GUCY2F: variants seen among roughly 807,000 people sequenced by gnomAD.
GUCY2F encodes guanylate cyclase 2F, retinal, also known as retinal guanylyl cyclase 2.
GUCY2F carries 61 observed loss-of-function variants against 73.1 expected under a neutral mutation model. That is an observed-to-expected ratio of 0.83 (90% CI 0.68 to 1.03). GUCY2F has a LOEUF of 1.03. Ranked by LOEUF, GUCY2F falls within the 50% of genes least tolerant of loss-of-function variation. The probability of loss-of-function intolerance (pLI) is 0.00; values close to 1 mark genes in which losing one functional copy is unlikely to be tolerated. For missense variants in GUCY2F, 912 were observed against 854.3 expected (o/e 1.07, Z -0.84); for synonymous variants, 331 against 307.8 (o/e 1.08, Z -0.79).
chrX:109,382,151 A>C lies in GUCY2F; in HGVS notation c.3117T>G (p.Tyr1039Ter), dbSNP rs1930330742. Reference sequence around the variant, plus strand: ...CTGTTCTTCCTCGAAGCTCCACTTCATAGCCCTCACTCAGATTTTGAAGAA... The same window carrying C: ...CTGTTCTTCCTCGAAGCTCCACTTCCTAGCCCTCACTCAGATTTTGAAGAA... ...VTILQNLSEG[Y>*]EVELRGRTEL... Residue 1039 changes from tyrosine to a stop codon, truncating the protein, a stop_gained, in exon 17 of 20, where the codon TAT becomes TAG. Transcript: ENST00000218006. LOFTEE classifies it high-confidence loss of function. 1 of 1,189,755 alleles carries C rather than the reference A, an allele frequency of 8.4e-7. No homozygotes were observed. The highest frequency in any genetic ancestry group is 1.1e-6 in the Non-Finnish European group (1 of 875,339).
At chrX:109,384,252 T>C (rs1179603023) in intron 16 of GUCY2F, among the ~76,000 whole-genome samples, 3 of 112,382 alleles carry the variant, frequency 2.7e-5, no homozygotes, top group Non-Finnish European at 5.6e-5. Context: ...AGTACAGTGC[T>C]GAAGCTTGGG....
chrX:109,448,166 CT>C lies in GUCY2F; in HGVS notation c.1473-2del. The C allele has an allele frequency of 1.0e-6, 1 of 986,420 alleles. No individual in the cohort carries two copies. The highest frequency in any genetic ancestry group is 1.4e-6 in the Non-Finnish European group (1 of 691,503). 81.3% of individuals were successfully genotyped at this position (986,420 alleles called of 1,213,427 possible). On this transcript the variant is annotated splice_acceptor_variant, in intron 5 of 19. Transcript: ENST00000218006. LOFTEE classifies it high-confidence loss of function. ...CAACTGGATTTTATTTATACGACGC[CT>C]AAAACAAACATGAAATCAGAGGGTC...
At chrX:109,448,991 G>T (rs1932082966) in intron 5 of GUCY2F, among the ~76,000 whole-genome samples, 1 of 111,872 alleles carries the variant, frequency 8.9e-6, no homozygotes, top group Admixed American at 9.5e-5. Flanking sequence ...CACGCAGTCA[G>T]GTAGGTCTGA....
chrX:109,472,268 G>GAAA (rs780268734), intron 2 of GUCY2F, among the ~76,000 whole-genome samples: 5 of 89,970 alleles, frequency 5.6e-5, no homozygotes, highest in African/African-American at 2.0e-4. Flanking sequence ...AACAGATCAG[G>GAAA]AAAAAAAAAA....
At chrX:109,400,841 G>A (rs935056305) in intron 10 of GUCY2F, among the ~76,000 whole-genome samples, 1 of 112,390 alleles carries the variant, frequency 8.9e-6, no homozygotes, top group Non-Finnish European at 1.9e-5. Context: ...ATGATTGAAT[G>A]TCAAAGGAAT....
chrX:109,394,408 G>A (rs974559928), intron 12 of GUCY2F, among the ~76,000 whole-genome samples: 10 of 112,028 alleles, frequency 8.9e-5, no homozygotes, highest in African/African-American at 2.3e-4. Flanking sequence ...AAACTCAGCC[G>A]GGCTAATGGA....
rs374414233 is a variant in GUCY2F, at chrX:109,390,899, C to G, written c.2781+1012G>C. Among the ~76,000 whole-genome samples the G allele has an allele frequency of 1.2e-4, 14 of 112,595 alleles. No individual in the cohort carries two copies. The South Asian group carries it at 5.1e-3, about 41-fold the overall frequency. On this transcript the variant is annotated intron_variant, in intron 14 of 19. Coordinates refer to ENST00000218006, the MANE Select transcript of GUCY2F (RefSeq NM_001522.3). ...GGTGGCTTGGCCTAGCCCTGAGGCT[C>G]TCTATCTGACCTGAAAAGGCCCTGT...
At chrX:109,385,440 C>A (rs958888104) in intron 15 of GUCY2F, among the ~76,000 whole-genome samples, 158 bp from the exon 16 acceptor site, 5 of 112,631 alleles carry the variant, frequency 4.4e-5, no homozygotes, top group Non-Finnish European at 7.5e-5. Context: ...GAGTAGTGAA[C>A]TCTTTGCCCT....
intron 3 of GUCY2F, among the ~76,000 whole-genome samples, chrX:109,460,327 C>G (rs1932337208): frequency 9.0e-6 from 1 of 111,435 alleles, no homozygotes; most frequent in Non-Finnish European, 1.9e-5. Context: ...CATGAAATTT[C>G]ATAGCATCAG....
chrX:109,441,610 G>A (rs1426154268), intron 6 of GUCY2F, 128 bp from the exon 7 acceptor site: 1 of 424,244 alleles, frequency 2.4e-6, no homozygotes, highest in South Asian at 7.4e-5. Context: ...ACATGAGATT[G>A]ATTCATTTTC....
At chrX:109,466,364 T>C (rs1200474796) in intron 2 of GUCY2F, among the ~76,000 whole-genome samples, 1 of 111,398 alleles carries the variant, frequency 9.0e-6, no homozygotes, top group East Asian at 2.8e-4. Flanking sequence ...TGTGTAATAT[T>C]ATGGGTGAGA....
intron 8 of GUCY2F, among the ~76,000 whole-genome samples, chrX:109,427,590 C>T (rs1247066318): frequency 8.9e-6 from 1 of 112,054 alleles, no homozygotes; most frequent in African/African-American, 3.2e-5. Context: ...CCAGCCCTAA[C>T]GTTTTGAGGT....
chrX:109,391,414 G>C (rs1375787917), intron 14 of GUCY2F, among the ~76,000 whole-genome samples: 1 of 111,004 alleles, frequency 9.0e-6, no homozygotes, highest in Non-Finnish European at 1.9e-5. Flanking sequence ...CTGCTATAAT[G>C]TCAAGTTCTC....
intron 2 of GUCY2F, among the ~76,000 whole-genome samples, chrX:109,472,256 C>T (rs1228492431): frequency 1.9e-5 from 2 of 104,097 alleles, no homozygotes; most frequent in African/African-American, 7.6e-5. Flanking sequence ...ACTGCTTTTG[C>T]GAACAGATCA....
At chrX:109,400,417 G>T (rs1321036977) in intron 10 of GUCY2F, among the ~76,000 whole-genome samples, 3 of 111,462 alleles carry the variant, frequency 2.7e-5, no homozygotes, top group African/African-American at 9.8e-5. Flanking sequence ...GAAAGTAATG[G>T]CTAACTTTTC....
chrX:109,397,629 A>G (rs1427820475), intron 11 of GUCY2F, among the ~76,000 whole-genome samples: 4 of 111,602 alleles, frequency 3.6e-5, no homozygotes, highest in Non-Finnish European at 7.5e-5. Flanking sequence ...GTTTTCCCTT[A>G]ATGTCCTTTT....
At chrX:109,380,386 T>A (rs1029823285) in intron 17 of GUCY2F, among the ~76,000 whole-genome samples, 3 of 111,534 alleles carry the variant, frequency 2.7e-5, no homozygotes, top group African/African-American at 9.8e-5. Flanking sequence ...GCCCTTATGA[T>A]GCAAAGTACA....
At chrX:109,404,110 G>A (rs1930916114) in intron 10 of GUCY2F, among the ~76,000 whole-genome samples, 2 of 112,488 alleles carry the variant, frequency 1.8e-5, no homozygotes, top group Non-Finnish European at 3.8e-5. Flanking sequence ...TGCCACAGCA[G>A]GAACTGAACA....
chrX:109,390,406 T>C (rs1482479825), intron 14 of GUCY2F, among the ~76,000 whole-genome samples: 1 of 111,921 alleles, frequency 8.9e-6, no homozygotes, highest in East Asian at 2.8e-4. Flanking sequence ...GTAAAGAAAA[T>C]AAAAACACAA....
Sources: gnomAD v4.1 joint callset for allele counts (sites outside exome capture counted in the v4.1 genomes callset) on GRCh38, gnomAD v4.1.1 for gene constraint, MANE v1.5 for transcripts, NCBI Gene and HGNC (gene_info 2026-07-23, HGNC 2026-07-21) for gene names.